Variants in COLGALT1 observed in about 807,000 individuals in gnomAD.
COLGALT1 encodes the protein procollagen galactosyltransferase 1.
Under a neutral mutation model 60.8 loss-of-function variants are expected in COLGALT1, and 43 were observed. That is an observed-to-expected ratio of 0.71 (90% CI 0.55 to 0.91). The LOEUF is 0.91. Ranked by LOEUF, COLGALT1 falls within the 40% of genes least tolerant of loss-of-function variation. The pLI is 0.00. For missense variants in COLGALT1, 845 were observed against 880.0 expected (o/e 0.96, Z 0.50); for synonymous variants, 369 against 374.2 (o/e 0.99, Z 0.16).
rs368177259 is a variant in COLGALT1, at chr19:17,560,440, G to A, written c.464G>A (p.Arg155Gln). The change falls in exon 3 of 12, where the codon CGA becomes CAA. Residue 155 changes from arginine to glutamine, a missense_variant. Physicochemically the swap from Arg to Gln is conservative, Grantham distance 43 (BLOSUM62 1). Coordinates refer to ENST00000252599, the MANE Select transcript of COLGALT1 (RefSeq NM_024656.4). ...CGCCAGGCAGCCCTGAAATCAGCTC[G>A]AGACATGTGGGCTGATTACATCCTG... ...KLRQAALKSARDMWADYILFV... is the reference protein window; with the variant it reads ...KLRQAALKSAQDMWADYILFV... 1.4e-5 allele frequency: 23 copies of A among 1,614,092 alleles called. No homozygotes were observed. The highest frequency in any genetic ancestry group is 1.6e-4 in the Middle Eastern group (1 of 6,062).
intron 3 of COLGALT1, chr19:17,565,934 A>T (rs2144825172): frequency 6.6e-6 from 1 of 152,314 alleles, no homozygotes; most frequent in South Asian, 2.1e-4. Flanking sequence ...GAAGGTTGCC[A>T]TGTGGAAATG....
chr19:17,579,401 C>G (rs2076364427), intron 9 of COLGALT1, 81 bp from the exon 10 acceptor site: 2 of 1,589,376 alleles, frequency 1.3e-6, no homozygotes, highest in Non-Finnish European at 1.7e-6. Flanking sequence ...GTCTTTCAAA[C>G]CTTCTCAAAG....
intron 1 of COLGALT1, chr19:17,556,659 C>A: frequency 2.2e-6 from 1 of 451,020 alleles, no homozygotes; most frequent in Non-Finnish European, 2.9e-6. Context: ...CGCAGTAATC[C>A]TAGCAATTTG....
chr19:17,578,756 A>G (rs1470480878), intron 9 of COLGALT1, among the ~76,000 whole-genome samples: 2 of 152,190 alleles, frequency 1.3e-5, no homozygotes, highest in Admixed American at 1.3e-4. Flanking sequence ...CATGCCTGTA[A>G]TCTCAGCACT....
intron 6 of COLGALT1, among the ~76,000 whole-genome samples, chr19:17,575,987 C>A (rs1295339064): frequency 6.6e-6 from 1 of 152,152 alleles, no homozygotes; most frequent in African/African-American, 2.4e-5. Context: ...CTCATGACAT[C>A]TCTTTGTGAA....
At chr19:17,569,890 A>ATTTTTT (rs770050966) in intron 5 of COLGALT1, among the ~76,000 whole-genome samples, 1 of 44,264 alleles carries the variant, frequency 2.3e-5, no homozygotes. Context: ...CCCACTAATT[A>ATTTTTT]CTTTTTTTTT....
chr19:17,556,426 C>T, intron 1 of COLGALT1: 1 of 457,790 alleles, frequency 2.2e-6, no homozygotes, highest in Non-Finnish European at 2.9e-6. Context: ...CTTTCTGTGC[C>T]GGCTGCTGCC....
At chr19:17,561,924 G>A (rs774561194) in intron 3 of COLGALT1, among the ~76,000 whole-genome samples, 23 of 152,126 alleles carry the variant, frequency 1.5e-4, no homozygotes, top group Non-Finnish European at 2.4e-4. Context: ...AGGTTGGAGT[G>A]CAGTGGCACA....
chr19:17,557,275 A>T (rs2144812132), intron 1 of COLGALT1, among the ~76,000 whole-genome samples: 1 of 152,302 alleles, frequency 6.6e-6, no homozygotes, highest in Middle Eastern at 3.4e-3. Context: ...AGGCAGGGTA[A>T]GGGATTTATG....
At chr19:17,575,262 TTGAGAC>T (rs1186700102) in intron 6 of COLGALT1, among the ~76,000 whole-genome samples, 1 of 152,174 alleles carries the variant, frequency 6.6e-6, no homozygotes, top group Non-Finnish European at 1.5e-5. Context: ...TTTGTTTTTT[TTGAGAC>T]GGAGTCTCGC....
At chr19:17,577,865 C>A in intron 8 of COLGALT1, 92 bp from the exon 9 acceptor site, 1 of 1,510,150 alleles carries the variant, frequency 6.6e-7, no homozygotes, top group Non-Finnish European at 8.9e-7. Flanking sequence ...GGACCAGCTG[C>A]TCAACGCCGC....
chr19:17,573,569 C>T (rs773952326), intron 6 of COLGALT1, among the ~76,000 whole-genome samples: 16 of 151,596 alleles, frequency 1.1e-4, no homozygotes, highest in Non-Finnish European at 1.9e-4. Context: ...CATGGTGGCA[C>T]ATGCCTGTAT....
At position 17,574,406 on chromosome 19, in the gene COLGALT1, T is replaced by C. The variant is rs909848450; in HGVS notation, c.949+1804T>C. ...ATGCAGTGGCGCATTCTGGGCTCACTTGAAACCTCCGCCTCCTGGGTTCAA... is the reference window on the plus strand; with the variant it reads ...ATGCAGTGGCGCATTCTGGGCTCACCTGAAACCTCCGCCTCCTGGGTTCAA... On this transcript the variant is annotated intron_variant, in intron 6 of 11. Transcript: ENST00000252599. Among the ~76,000 whole-genome samples, 3 of 151,814 alleles carry C rather than the reference T, an allele frequency of 2.0e-5. No homozygotes were observed. The East Asian group carries it at 5.8e-4, about 29-fold the overall frequency.
intron 9 of COLGALT1, among the ~76,000 whole-genome samples, chr19:17,578,462 G>A (rs2076358553): frequency 6.6e-6 from 1 of 152,182 alleles, no homozygotes; most frequent in African/African-American, 2.4e-5. Context: ...CACCTGCCCA[G>A]TGCTGCTGGG....
Position 17,582,612 on chromosome 19 carries a change from CA to C in COLGALT1, c.*1170del, listed in dbSNP as rs1460520404. ...TCGGTTCCTTCACTTCTTCATGCCACAAGTGTTTATTGAGCACCTGTGTGCC... is the reference window on the plus strand; with the variant it reads ...TCGGTTCCTTCACTTCTTCATGCCACAGTGTTTATTGAGCACCTGTGTGCC... On this transcript the variant is annotated 3_prime_UTR_variant, in exon 12 of 12. Transcript: ENST00000252599. 3 of 152,194 alleles carry C rather than the reference CA, an allele frequency of 2.0e-5. No homozygotes were observed. The highest frequency in any genetic ancestry group is 7.2e-5 in the African/African-American group (3 of 41,446). 9.4% of individuals were successfully genotyped at this position (152,194 alleles called of 1,614,324 possible).
At chr19:17,559,702 T>C (rs2076236991) in intron 2 of COLGALT1, among the ~76,000 whole-genome samples, 1 of 152,180 alleles carries the variant, frequency 6.6e-6, no homozygotes, top group Non-Finnish European at 1.5e-5. Flanking sequence ...TGACTCAGTC[T>C]TGGTCCCAGC....
rs748819009 is a variant in COLGALT1, at chr19:17,580,833, T to C, written c.1529T>C (p.Leu510Pro). Residue 510 changes from leucine (L) to proline (P), a missense_variant, in exon 11 of 12, where the codon CTG (leucine) becomes CCG (proline). Leu to Pro is a moderately conservative substitution (Grantham distance 98). Coordinates refer to ENST00000252599, the MANE Select transcript of COLGALT1 (RefSeq NM_024656.4). Reference sequence around the variant, plus strand: ...TCCCTGCAAGGCGCCCGCAAACTGCTGGCTGCTGAGCCGCTCTCCAAGATG... The same window carrying C: ...TCCCTGCAAGGCGCCCGCAAACTGCCGGCTGCTGAGCCGCTCTCCAAGATG... ...VISLQGARKL[L>P]AAEPLSKMLP... 5.0e-6 allele frequency: 8 copies of C among 1,613,994 alleles called. No homozygotes were observed. The highest frequency in any genetic ancestry group is 6.8e-6 in the Non-Finnish European group (8 of 1,179,988).
chr19:17,557,828 C>T (rs762192815), intron 1 of COLGALT1, among the ~76,000 whole-genome samples: 18 of 151,954 alleles, frequency 1.2e-4, no homozygotes, highest in Middle Eastern at 3.5e-3. Flanking sequence ...TCTCGAACTC[C>T]CGAGCTCAAG....
chr19:17,570,752 G>A (rs1468710088), intron 5 of COLGALT1, among the ~76,000 whole-genome samples: 1 of 151,816 alleles, frequency 6.6e-6, no homozygotes. Flanking sequence ...TTTTAGTAGA[G>A]ATGGGGTTTT....
Sources: gnomAD v4.1 joint callset for allele counts (sites outside exome capture counted in the v4.1 genomes callset) on GRCh38, gnomAD v4.1.1 for gene constraint, MANE v1.5 for transcripts, NCBI Gene and HGNC (gene_info 2026-07-23, HGNC 2026-07-21) for gene names.